The following CDH12 variants were observed in gnomAD, a reference collection of about 807,000 sequenced individuals.
The protein encoded by CDH12 is cadherin 12.
CDH12 carries 41 observed loss-of-function variants against 74.1 expected under a neutral mutation model. The ratio of observed to expected loss-of-function variants is 0.55; its 90% confidence interval spans 0.43 to 0.72. The LOEUF (loss-of-function observed/expected upper bound fraction) is 0.72, where lower values mean the gene tolerates loss of function less well. CDH12 is among the 30% of genes least tolerant of loss of function. CDH12 has a pLI of 0.00. For missense variants in CDH12, 945 were observed against 977.2 expected (o/e 0.97, Z 0.44); for synonymous variants, 399 against 355.0 (o/e 1.12, Z -1.39).
intron 9 of CDH12, among the ~76,000 whole-genome samples, chr5:21,805,515 G>C: frequency 6.6e-6 from 1 of 152,104 alleles, no homozygotes; most frequent in South Asian, 2.1e-4. Context: ...ATAGCCTGTA[G>C]TGATCAAAGA....
rs958288122 is a variant in CDH12 at position 22,390,208 on chromosome 5, C to T, written c.-333+15049G>A. On this transcript the variant is annotated intron_variant, in intron 3 of 14. Transcript: ENST00000382254. ...AGGATGTGCTTATTATGAGAGTAGG[C>T]TAAGGATTCATTTGCCAAGAACCTC... 2.6e-5 allele frequency among the ~76,000 whole-genome samples: 4 copies of T among 152,232 alleles called. No homozygotes were observed. The South Asian group carries it at 8.3e-4, about 32-fold the overall frequency.
intron 3 of CDH12, among the ~76,000 whole-genome samples, chr5:22,219,953 C>G (rs1232824194): frequency 3.3e-5 from 5 of 151,676 alleles, no homozygotes; most frequent in Admixed American, 2.6e-4. Context: ...AAATGAACAA[C>G]ATATAAACTA....
chr5:21,830,407 G>A (rs1174543770), intron 8 of CDH12, among the ~76,000 whole-genome samples: 1 of 151,836 alleles, frequency 6.6e-6, no homozygotes, highest in African/African-American at 2.4e-5. Flanking sequence ...TATTTTAGTT[G>A]TATTGATTTA....
chr5:22,215,036 C>T (rs1241011362), intron 3 of CDH12, among the ~76,000 whole-genome samples: 1 of 152,148 alleles, frequency 6.6e-6, no homozygotes, highest in Non-Finnish European at 1.5e-5. Flanking sequence ...CAGGTACTGT[C>T]TATTACATGC....
At chr5:22,116,132 C>G (rs952643746) in intron 4 of CDH12, among the ~76,000 whole-genome samples, 1 of 152,062 alleles carries the variant, frequency 6.6e-6, no homozygotes, top group South Asian at 2.1e-4. Flanking sequence ...TGGGTGGGAC[C>G]AACCTAATCA....
At chr5:22,409,678 C>A (rs143671638) in intron 2 of CDH12, among the ~76,000 whole-genome samples, 2,121 of 152,146 alleles carry the variant, frequency 0.014, 28 homozygotes, top group Middle Eastern at 0.034. Flanking sequence ...ATTGATTCTA[C>A]TCAATGTTTC....
At chr5:22,792,054 CT>C (rs1161004016) in intron 1 of CDH12, among the ~76,000 whole-genome samples, 1 of 147,050 alleles carries the variant, frequency 6.8e-6, no homozygotes, top group Non-Finnish European at 1.5e-5. Context: ...TTTATAAGCA[CT>C]TTTTTGCAGA....
chr5:22,350,357 T>C (rs1740308305), intron 3 of CDH12, among the ~76,000 whole-genome samples: 1 of 152,246 alleles, frequency 6.6e-6, no homozygotes, highest in African/African-American at 2.4e-5. Flanking sequence ...AATTAGTTCA[T>C]TATTTTTATT....
chr5:21,792,474 TAC>T lies in CDH12; in HGVS notation c.1257-8982_1257-8981del, dbSNP rs1746551805. ...CTTCTGTCTTTAAATTTCCCATTTG[TAC>T]ACATGCAATATGATTAAAATAGATC... On this transcript the variant is annotated intron_variant, in intron 10 of 14. Coordinates refer to ENST00000382254, the MANE Select transcript of CDH12 (RefSeq NM_004061.5). 2.0e-5 allele frequency among the ~76,000 whole-genome samples: 3 copies of T among 151,842 alleles called. No individual in the cohort carries two copies. In the South Asian group the frequency reaches 6.2e-4, roughly 31 times the overall value.
chr5:22,303,706 G>A (rs529945536), intron 3 of CDH12, among the ~76,000 whole-genome samples: 2 of 152,194 alleles, frequency 1.3e-5, no homozygotes, highest in African/African-American at 4.8e-5. Context: ...ACTGAAGCCA[G>A]TTCATGACCG....
At chr5:22,068,704 T>C (rs1369775198) in intron 5 of CDH12, among the ~76,000 whole-genome samples, 2 of 152,130 alleles carry the variant, frequency 1.3e-5, no homozygotes, top group African/African-American at 4.8e-5. Context: ...ATGGGAATGT[T>C]TACAAAAAGG....
At chr5:22,409,827 G>C (rs1743103429) in intron 2 of CDH12, among the ~76,000 whole-genome samples, 1 of 152,030 alleles carries the variant, frequency 6.6e-6, no homozygotes, top group African/African-American at 2.4e-5. Flanking sequence ...CCTGAGCATG[G>C]TGTTAATAAG....
chr5:21,999,501 A>G (rs1161771278), intron 5 of CDH12, among the ~76,000 whole-genome samples: 2 of 152,206 alleles, frequency 1.3e-5, no homozygotes, highest in Non-Finnish European at 2.9e-5. Context: ...TGATCTGAGA[A>G]GAACTGCAGC....
Position 22,153,899 on chromosome 5 carries a change from T to TACACAC in CDH12, c.-187+58598_-187+58599insGTGTGT, listed in dbSNP as rs1221059047. ...ATATATATATATATAAATATATATATATATACACACACATACACACACACA... is the reference window on the plus strand; with the variant it reads ...ATATATATATATATAAATATATATATACACACATATACACACACATACACACACACA... On this transcript the variant is annotated intron_variant, in intron 4 of 14. Transcript: ENST00000382254. Among the ~76,000 whole-genome samples, 120 of 55,664 alleles carry TACACAC rather than the reference T, an allele frequency of 2.2e-3. 1 individual carries two copies. The highest frequency in any genetic ancestry group is 5.4e-3 in the African/African-American group (107 of 19,710). 36.5% of individuals were successfully genotyped at this position (55,664 alleles called of 152,430 possible). A position where few individuals can be genotyped will look rare whatever the true frequency, so the allele number is the denominator to read the frequency against.
intron 1 of CDH12, among the ~76,000 whole-genome samples, chr5:22,649,448 T>C (rs957024629): frequency 6.6e-6 from 1 of 151,926 alleles, no homozygotes; most frequent in Admixed American, 6.6e-5. Flanking sequence ...AGACTCATAT[T>C]TTTCACATAC....
At chr5:22,849,020 C>T (rs549223817) in intron 1 of CDH12, among the ~76,000 whole-genome samples, 2 of 151,938 alleles carry the variant, frequency 1.3e-5, no homozygotes, top group Non-Finnish European at 2.9e-5. Flanking sequence ...CTTGGGAACC[C>T]CTTTTACCCC....
At chr5:22,039,498 C>T (rs1379205169) in intron 5 of CDH12, among the ~76,000 whole-genome samples, 1 of 152,116 alleles carries the variant, frequency 6.6e-6, no homozygotes, top group African/African-American at 2.4e-5. Context: ...ATCAGAGCAC[C>T]TACATCCTAG....
chr5:22,172,753 A>AT (rs1481594258), intron 4 of CDH12, among the ~76,000 whole-genome samples: 5 of 151,484 alleles, frequency 3.3e-5, no homozygotes, highest in Non-Finnish European at 5.9e-5. Flanking sequence ...TTTTTTCTCT[A>AT]TTTTTTAATA....
intron 11 of CDH12, chr5:21,779,410 C>T (rs1745784296): frequency 6.6e-6 from 1 of 152,026 alleles, no homozygotes; most frequent in African/African-American, 2.4e-5. Context: ...CACAAAAATC[C>T]TAGAAACATT....
Sources: allele counts gnomAD v4.1 joint callset (sites outside exome capture counted in the v4.1 genomes callset), GRCh38; gene constraint gnomAD v4.1.1; transcripts MANE v1.5; gene names NCBI Gene and HGNC (gene_info 2026-07-23, HGNC 2026-07-21).